Variants in TENM2 observed in about 807,000 individuals in gnomAD.
TENM2 encodes teneurin transmembrane protein 2, also known as teneurin-2.
In TENM2, 52 loss-of-function variants were observed where a neutral mutation model predicts 245.2. That is an observed-to-expected ratio of 0.21 (90% CI 0.17 to 0.27). The LOEUF (loss-of-function observed/expected upper bound fraction) is 0.27. Ranked by LOEUF, TENM2 falls within the 10% of genes least tolerant of loss-of-function variation. The probability of loss-of-function intolerance (pLI) is 1.00; values close to 1 mark genes in which losing one functional copy is unlikely to be tolerated. For synonymous variants in TENM2, 1,363 were observed against 1,438.9 expected, an observed-to-expected ratio of 0.95 and a Z score of 1.19; for missense variants, 3,046 against 3,666.8, an observed-to-expected ratio of 0.83 and a Z score of 4.37.
the TENM2 span, among the ~76,000 whole-genome samples, chr5:167,171,116 G>C: frequency 5.9e-5 from 9 of 152,086 alleles, no homozygotes; most frequent in African/African-American, 2.2e-4. Context: ...GCTAATGACT[G>C]TTGCCCCTTT....
intron 25 of TENM2, among the ~76,000 whole-genome samples, chr5:168,239,266 C>A (rs1391762542): frequency 6.6e-6 from 1 of 152,132 alleles, no homozygotes; most frequent in African/African-American, 2.4e-5. Flanking sequence ...CTTGGCTCAC[C>A]TTCCAGTGAA....
At chr5:167,074,554 C>G in the TENM2 span, among the ~76,000 whole-genome samples, 1 of 152,092 alleles carries the variant, frequency 6.6e-6, no homozygotes, top group African/African-American at 2.4e-5. Context: ...TGAGATGATG[C>G]AATAAAGTAC....
intron 2 of TENM2, among the ~76,000 whole-genome samples, chr5:167,414,682 G>A (rs370596952): frequency 5.9e-4 from 90 of 152,194 alleles, no homozygotes; most frequent in African/African-American, 2.1e-3. Context: ...AGATTTATCT[G>A]TGAAGTCTCC....
chr5:168,136,698 G>A (rs1320608337), intron 12 of TENM2, among the ~76,000 whole-genome samples: 1 of 152,110 alleles, frequency 6.6e-6, no homozygotes, highest in East Asian at 1.9e-4. Flanking sequence ...AGTCCTTTTT[G>A]TATCCTCACC....
At chr5:167,718,213 A>G (rs1374883533) in intron 2 of TENM2, among the ~76,000 whole-genome samples, 1 of 152,018 alleles carries the variant, frequency 6.6e-6, no homozygotes, top group Non-Finnish European at 1.5e-5. Context: ...ATGTTTTTCC[A>G]TGTCTTCCTA....
At chr5:168,123,848 G>A (rs1795654783) in intron 10 of TENM2, among the ~76,000 whole-genome samples, 1 of 152,146 alleles carries the variant, frequency 6.6e-6, no homozygotes, top group Admixed American at 6.5e-5. Flanking sequence ...ATCATTTCCT[G>A]AGAATACATA....
At chr5:167,401,539 A>G (rs1762366290) in intron 2 of TENM2, among the ~76,000 whole-genome samples, 2 of 152,170 alleles carry the variant, frequency 1.3e-5, no homozygotes, top group Non-Finnish European at 2.9e-5. Context: ...ATAAAAGGCT[A>G]ACACACTTAG....
At chr5:167,228,638 A>AT in the TENM2 span, among the ~76,000 whole-genome samples, 1 of 150,832 alleles carries the variant, frequency 6.6e-6, no homozygotes, top group Admixed American at 6.6e-5. Context: ...TATTTCCTTA[A>AT]TTTTTTTCAT....
chr5:167,781,967 G>A (rs577764038), intron 2 of TENM2, among the ~76,000 whole-genome samples: 12 of 151,592 alleles, frequency 7.9e-5, no homozygotes, highest in South Asian at 2.1e-4. Context: ...TGATTGCATC[G>A]TTGCACTCCA....
chr5:167,508,108 C>A (rs1345297495), intron 2 of TENM2, among the ~76,000 whole-genome samples: 1 of 152,074 alleles, frequency 6.6e-6, no homozygotes, highest in Non-Finnish European at 1.5e-5. Flanking sequence ...AAGCACCCAG[C>A]CAGTTTGTTA....
chr5:167,496,725 A>G (rs1360824237), intron 2 of TENM2, among the ~76,000 whole-genome samples: 1 of 152,124 alleles, frequency 6.6e-6, no homozygotes, highest in Non-Finnish European at 1.5e-5. Flanking sequence ...CCATTGAGTT[A>G]CATTCTTGTA....
Position 167,355,902 on chromosome 5 carries a change from G to T in TENM2, c.227-19296G>T, listed in dbSNP as rs370839349. Among the ~76,000 whole-genome samples, 8 of 148,882 alleles carry T rather than the reference G, an allele frequency of 5.4e-5. No individual in the cohort carries two copies. In the South Asian group the frequency reaches 1.7e-3, roughly 32 times the overall value. On this transcript the variant is annotated intron_variant, in intron 1 of 28. Transcript: ENST00000518659. ...TTTTTTTTTTAAAGCTAGGAAGATG[G>T]CTGGGTGCCGTGGCTCACACCTGTA...
intron 4 of TENM2, among the ~76,000 whole-genome samples, chr5:167,979,126 A>G (rs1782648952): frequency 6.6e-6 from 1 of 152,120 alleles, no homozygotes; most frequent in Non-Finnish European, 1.5e-5. Flanking sequence ...GGTAAATGCA[A>G]CTCTTCAGAC....
intron 5 of TENM2, among the ~76,000 whole-genome samples, chr5:168,035,835 A>G (rs940359029): frequency 1.3e-5 from 2 of 152,210 alleles, no homozygotes; most frequent in Non-Finnish European, 2.9e-5. Context: ...TGGGTATGTC[A>G]TAGAACTGCA....
At chr5:167,200,751 A>T in the TENM2 span, among the ~76,000 whole-genome samples, 3 of 152,174 alleles carry the variant, frequency 2.0e-5, no homozygotes, top group Non-Finnish European at 4.4e-5. Flanking sequence ...CAACTTTCAC[A>T]GATTTTCCAT....
chr5:167,305,626 A>G (rs147247216), intron 1 of TENM2, among the ~76,000 whole-genome samples: 1 of 152,346 alleles, frequency 6.6e-6, no homozygotes, highest in East Asian at 1.9e-4. Context: ...ATGATGTGGT[A>G]ACAAATACTG....
At chr5:168,033,186 C>A (rs553955918) in intron 5 of TENM2, 1 of 152,092 alleles carries the variant, frequency 6.6e-6, no homozygotes, top group Non-Finnish European at 1.5e-5. Flanking sequence ...ACAAGTCAAA[C>A]AAAAGCAAAC....
chr5:167,859,293 G>T (rs1771432546), intron 2 of TENM2, among the ~76,000 whole-genome samples: 1 of 135,486 alleles, frequency 7.4e-6, no homozygotes, highest in South Asian at 2.8e-4. Flanking sequence ...CGTCTGAGAA[G>T]TGAGGAGCCT....
intron 9 of TENM2, among the ~76,000 whole-genome samples, chr5:168,101,640 A>G (rs1263830181): frequency 6.6e-6 from 1 of 152,190 alleles, no homozygotes; most frequent in African/African-American, 2.4e-5. Context: ...TGTTAAGAGT[A>G]GTTATTCCTC....
Sources: gnomAD v4.1 joint callset for allele counts (sites outside exome capture counted in the v4.1 genomes callset) on GRCh38, gnomAD v4.1.1 for gene constraint, MANE v1.5 for transcripts, NCBI Gene and HGNC (gene_info 2026-07-23, HGNC 2026-07-21) for gene names.